SYT14: variants seen among roughly 807,000 people sequenced by gnomAD.
SYT14 encodes the protein synaptotagmin-14.
Under a neutral mutation model 74.2 loss-of-function variants are expected in SYT14, and 32 were observed. The ratio of observed to expected loss-of-function variants is 0.43; its 90% CI spans 0.33 to 0.58. SYT14 has a LOEUF of 0.58. SYT14 is among the 20% of genes least tolerant of loss of function. The pLI is 0.05. For synonymous variants in SYT14, 298 were observed against 337.7 expected (o/e 0.88, Z 1.29); for missense variants, 791 against 981.8 (o/e 0.81, Z 2.60).
Position 210,110,807 on chromosome 1 carries a change from C to T in SYT14, c.2034+10346C>T, listed in dbSNP as rs111733395. Among the ~76,000 whole-genome samples the T allele has an allele frequency of 9.7e-3, 1,472 of 152,254 alleles. 21 individuals carry two copies. Among genetic ancestry groups the T allele is most frequent in the African/African-American group, 0.033 (1,387 of 41,566 alleles). Reference sequence around the variant, plus strand: ...TTGCCCAGACTGGAGTGCAATGGCGCGATCTCAGCTTACCACAACCTCTGC... The same window carrying T: ...TTGCCCAGACTGGAGTGCAATGGCGTGATCTCAGCTTACCACAACCTCTGC... On this transcript the variant is annotated intron_variant, in intron 7 of 9. Coordinates refer to ENST00000637265, the Ensembl canonical transcript of SYT14.
chr1:210,151,612 A>G (rs12029138), intron 7 of SYT14, among the ~76,000 whole-genome samples: 38,675 of 151,026 alleles, frequency 0.26, 5,935 homozygotes, highest in East Asian at 0.42. Flanking sequence ...AACTCTACCA[A>G]CATTGAATTG....
intron 7 of SYT14, among the ~76,000 whole-genome samples, chr1:210,115,953 G>A (rs962566443): frequency 6.6e-6 from 1 of 151,120 alleles, no homozygotes; most frequent in East Asian, 1.9e-4. Flanking sequence ...TCAGCGAAGA[G>A]AGGTAGGGGT....
intron 7 of SYT14, among the ~76,000 whole-genome samples, chr1:210,149,044 CTT>C (rs1474877201): frequency 1.3e-5 from 2 of 152,050 alleles, no homozygotes; most frequent in Non-Finnish European, 2.9e-5. Flanking sequence ...AGAAAAGAAA[CTT>C]ATAAACTTTA....
intron 5 of SYT14, among the ~76,000 whole-genome samples, chr1:210,080,387 CAGCCTGGTAT>C (rs1420956342): frequency 2.0e-5 from 3 of 152,116 alleles, no homozygotes; most frequent in African/African-American, 7.2e-5. Flanking sequence ...TTTTTTCTAA[CAGCCTGGTAT>C]TTCTGTGACA....
intron 5 of SYT14, among the ~76,000 whole-genome samples, chr1:210,070,340 C>G (rs2081370036): frequency 6.6e-6 from 1 of 152,094 alleles, no homozygotes; most frequent in African/African-American, 2.4e-5. Flanking sequence ...TAGCAGTTTT[C>G]ACTTTTAGAA....
intron 5 of SYT14, among the ~76,000 whole-genome samples, chr1:210,055,478 T>C (rs1256961880): frequency 1.3e-5 from 2 of 152,092 alleles, no homozygotes; most frequent in African/African-American, 4.8e-5. Context: ...GTTTTATTGA[T>C]TGAGAGGGCA....
At chr1:209,973,610 A>G (rs1207023120) in intron 2 of SYT14, among the ~76,000 whole-genome samples, 9 of 152,156 alleles carry the variant, frequency 5.9e-5, no homozygotes, top group Admixed American at 5.9e-4. Context: ...CCAGTCTATC[A>G]TTGGTGGACG....
At chr1:209,991,670 A>G (rs533706011) in intron 2 of SYT14, among the ~76,000 whole-genome samples, 1 of 152,142 alleles carries the variant, frequency 6.6e-6, no homozygotes, top group Non-Finnish European at 1.5e-5. Context: ...TCTCTACTGA[A>G]AATACAGAAA....
At chr1:210,007,233 A>G (rs931196150) in intron 2 of SYT14, among the ~76,000 whole-genome samples, 2 of 151,966 alleles carry the variant, frequency 1.3e-5, no homozygotes, top group Non-Finnish European at 2.9e-5. Context: ...AATAATCATT[A>G]GTCTTGGAAA....
chr1:210,049,227 G>C (rs2080942444), intron 5 of SYT14, among the ~76,000 whole-genome samples: 2 of 152,144 alleles, frequency 1.3e-5, no homozygotes, highest in African/African-American at 2.4e-5. Context: ...CAGTGCCCCA[G>C]TAGGGACTCT....
intron 2 of SYT14, among the ~76,000 whole-genome samples, chr1:209,953,508 C>A (rs938554709): frequency 3.9e-5 from 6 of 152,194 alleles, no homozygotes; most frequent in Admixed American, 6.5e-5. Context: ...CCTCCTGAGT[C>A]TAGCCAACTA....
chr1:210,094,649 C>A, intron 6 of SYT14, 56 bp downstream of exon 5: 1 of 1,566,680 alleles, frequency 6.4e-7, no homozygotes. Flanking sequence ...GATAATAATC[C>A]TGTGCTTCTC....
At chr1:210,131,561 A>G (rs2082675047) in intron 7 of SYT14, among the ~76,000 whole-genome samples, 1 of 151,516 alleles carries the variant, frequency 6.6e-6, no homozygotes, top group Non-Finnish European at 1.5e-5. Flanking sequence ...ATATATGTAT[A>G]TGTACATATA....
intron 2 of SYT14, among the ~76,000 whole-genome samples, chr1:209,982,725 G>A (rs1354360292): frequency 6.6e-6 from 1 of 152,192 alleles, no homozygotes; most frequent in Non-Finnish European, 1.5e-5. Context: ...GAATGTAATT[G>A]CTGGATCATA....
intron 5 of SYT14, among the ~76,000 whole-genome samples, chr1:210,081,026 G>A (rs867004925): frequency 6.6e-6 from 1 of 152,058 alleles, no homozygotes; most frequent in African/African-American, 2.4e-5. Flanking sequence ...CCAAGGGAAG[G>A]GCATGTACCA....
chr1:210,141,512 A>T (rs1032604084), intron 7 of SYT14, among the ~76,000 whole-genome samples: 2 of 152,170 alleles, frequency 1.3e-5, no homozygotes, highest in African/African-American at 2.4e-5. Context: ...TTCACTTCCA[A>T]TCTGAATGCC....
intron 5 of SYT14, among the ~76,000 whole-genome samples, chr1:210,074,669 A>G (rs753242906): frequency 3.3e-5 from 5 of 152,122 alleles, no homozygotes; most frequent in African/African-American, 4.8e-5. Flanking sequence ...CCAACTCTCC[A>G]TAATAGTGAA....
Position 210,097,446 on chromosome 1 carries a change from A to G in SYT14, c.1585-2566A>G, listed in dbSNP as rs552076538. On this transcript the variant is annotated intron_variant, in intron 6 of 9. Transcript: ENST00000637265. ...CTTATTGCCTGTTTTCAGAATGCAGATAATGTCTTTTATCTGTCAGTGTTC... is the reference window on the plus strand; with the variant it reads ...CTTATTGCCTGTTTTCAGAATGCAGGTAATGTCTTTTATCTGTCAGTGTTC... 6.7e-4 allele frequency among the ~76,000 whole-genome samples: 102 copies of G among 152,310 alleles called. 2 individuals carry two copies. In the South Asian group the frequency reaches 0.021, roughly 31 times the overall value.
chr1:209,954,880 A>G (rs1283807720), intron 2 of SYT14, among the ~76,000 whole-genome samples: 2 of 151,840 alleles, frequency 1.3e-5, no homozygotes, highest in African/African-American at 4.8e-5. Flanking sequence ...TAATTTTTCT[A>G]TTTTTAGTAG....
Sources: gnomAD v4.1 joint callset for allele counts (sites outside exome capture counted in the v4.1 genomes callset) on GRCh38, gnomAD v4.1.1 for gene constraint, MANE v1.5 for transcripts, NCBI Gene and HGNC (gene_info 2026-07-23, HGNC 2026-07-21) for gene names.